CLDN14: variants seen among roughly 807,000 people sequenced by gnomAD.
CLDN14 encodes claudin 14.
A neutral mutation model predicts 2.1 loss-of-function variants in CLDN14; 2 were observed. The ratio of observed to expected loss-of-function variants is 0.96; its 90% CI spans 0.39 to 3.01. CLDN14 has a LOEUF of 3.01. CLDN14 is among the 30% of genes most tolerant of loss of function. The probability of loss-of-function intolerance (pLI) is 0.09; values close to 1 mark genes in which losing one functional copy is unlikely to be tolerated. For synonymous variants in CLDN14, 136 were observed against 154.4 expected (o/e 0.88, Z 0.88); for missense variants, 298 against 328.0 (o/e 0.91, Z 0.71).
intron 1 of CLDN14, among the ~76,000 whole-genome samples, chr21:36,511,251 G>A (rs1374546660): frequency 6.6e-6 from 1 of 152,156 alleles, no homozygotes; most frequent in Non-Finnish European, 1.5e-5. Context: ...GTGTAGTTAA[G>A]CACACCCTTT....
intron 1 of CLDN14, among the ~76,000 whole-genome samples, chr21:36,462,732 C>G (rs1477133347): frequency 1.3e-5 from 2 of 151,854 alleles, no homozygotes; most frequent in African/African-American, 4.8e-5. Context: ...GAGTTCAAGA[C>G]CAGCCTGGCC....
At chr21:36,539,362 T>TGTGTGG (rs1491290610) in intron 1 of CLDN14, among the ~76,000 whole-genome samples, 2 of 146,938 alleles carry the variant, frequency 1.4e-5, no homozygotes, top group East Asian at 4.0e-4. Flanking sequence ...GGAGTGAGTG[T>TGTGTGG]ATGTGCGGAG....
At chr21:36,554,241 C>T (rs1724810844) in intron 1 of CLDN14, among the ~76,000 whole-genome samples, 1 of 152,218 alleles carries the variant, frequency 6.6e-6, no homozygotes. Context: ...AGGCCCTGGG[C>T]TCGGCGGTGC....
At chr21:36,550,850 T>C (rs1043485122) in intron 1 of CLDN14, among the ~76,000 whole-genome samples, 1 of 151,904 alleles carries the variant, frequency 6.6e-6, no homozygotes, top group African/African-American at 2.4e-5. Flanking sequence ...TTGAGGAGAG[T>C]CCTTCCCAAA....
At chr21:36,484,345 C>T (rs2086874384), upstream of CLDN14, among the ~76,000 whole-genome samples, 1 of 152,158 alleles carries the variant, frequency 6.6e-6, no homozygotes, top group Admixed American at 6.5e-5. Flanking sequence ...GTTACTTTTC[C>T]ACCAAGAGAA....
intron 1 of CLDN14, among the ~76,000 whole-genome samples, chr21:36,533,531 GTAGACATTGTACCACGTGGGAAAA>G: frequency 6.6e-6 from 1 of 152,142 alleles, no homozygotes. Context: ...TGGTGATTAC[GTAGACATTGTACCACGTGGGAAAA>G]TATTGATGAT....
At chr21:36,490,175 T>C (rs569394763) in intron 2 of CLDN14, among the ~76,000 whole-genome samples, 1 of 152,252 alleles carries the variant, frequency 6.6e-6, no homozygotes, top group East Asian at 1.9e-4. Flanking sequence ...GGGAGAAGAA[T>C]GCTCTGTTTT....
upstream of CLDN14, chr21:36,480,747 G>C (rs189498388): frequency 1.1e-4 from 16 of 152,218 alleles, no homozygotes; most frequent in Non-Finnish European, 1.5e-5. Flanking sequence ...CCGCCCCTTC[G>C]TCACTGAGCA....
chr21:36,569,863 G>A (rs561040215), intron 1 of CLDN14, among the ~76,000 whole-genome samples: 13 of 152,218 alleles, frequency 8.5e-5, no homozygotes, highest in African/African-American at 3.1e-4. Context: ...TTGGCAAAAA[G>A]TGTTTAACCT....
chr21:36,566,663 C>T (rs540886485), intron 1 of CLDN14, among the ~76,000 whole-genome samples: 131 of 152,306 alleles, frequency 8.6e-4, no homozygotes, highest in African/African-American at 3.0e-3. Flanking sequence ...TGATCCCTTC[C>T]AAATGTGGGC....
chr21:36,569,056 T>C (rs1046863535), intron 1 of CLDN14, among the ~76,000 whole-genome samples: 13 of 152,212 alleles, frequency 8.5e-5, no homozygotes, highest in African/African-American at 2.7e-4. Context: ...ATTTACAATA[T>C]AAGGACAGTG....
chr21:36,519,666 C>T (rs912793670), intron 1 of CLDN14, among the ~76,000 whole-genome samples: 7 of 152,132 alleles, frequency 4.6e-5, no homozygotes, highest in Admixed American at 6.5e-5. Flanking sequence ...GCTGAGATCG[C>T]GCCACTGCAC....
chr21:36,537,985 CAAAAT>C (rs1234103346), intron 1 of CLDN14, among the ~76,000 whole-genome samples: 2 of 130,006 alleles, frequency 1.5e-5, no homozygotes, highest in Admixed American at 1.6e-4. Flanking sequence ...AAAATCAAAA[CAAAAT>C]GTGTGTGTGT....
chr21:36,500,431 T>A (rs78248421), intron 2 of CLDN14, among the ~76,000 whole-genome samples: 7,543 of 152,274 alleles, frequency 0.05, 610 homozygotes, highest in African/African-American at 0.17. Flanking sequence ...TTCATTTTTT[T>A]AAAATTTTAT....
chr21:36,519,731 AAC>A (rs757436433), intron 1 of CLDN14, among the ~76,000 whole-genome samples: 276 of 111,414 alleles, frequency 2.5e-3, no homozygotes, highest in African/African-American at 7.6e-3. Flanking sequence ...CAACAACAAC[AAC>A]AAAACCCCAA....
rs764358289 is a variant in CLDN14, at chr21:36,461,684, C to T, written c.12G>A (p.Thr4=). The T allele has an allele frequency of 1.4e-5, 22 of 1,551,944 alleles. No homozygotes were observed. The highest frequency in any genetic ancestry group is 1.8e-4 in the Middle Eastern group (1 of 5,588). The change falls in exon 2 of 2, where the codon ACG becomes ACA. Residue 4 remains threonine (T), a synonymous_variant. Transcript: ENST00000399135. ...GCAGGAAGCCCAGAAGCTGCACGGC[C>T]GTGCTGGCCATGGTGCGGCTGCCTG... The part of the protein sequence containing the change: MAS[T]AVQLLGFLLS...
intron 2 of CLDN14, among the ~76,000 whole-genome samples, chr21:36,508,095 A>G (rs73382016): frequency 0.013 from 1,906 of 152,274 alleles, 43 homozygotes; most frequent in African/African-American, 0.043. Flanking sequence ...ACATTACACT[A>G]TATTACAAAT....
At chr21:36,494,609 C>T (rs28688747) in intron 2 of CLDN14, among the ~76,000 whole-genome samples, 6,683 of 152,190 alleles carry the variant, frequency 0.044, 508 homozygotes, top group African/African-American at 0.15. Context: ...AAAATGAGTT[C>T]GTACGGGTGG....
Position 36,490,817 on chromosome 21 carries a change from C to T in CLDN14, c.-82+19546G>A, listed in dbSNP as rs112823433. ...TTCTCTGACTGTTCAGTTTGATACA[C>T]GTGGAACCAGGTTTGCTTGCACCCT... is the stretch of plus-strand genomic sequence containing the variant. On this transcript the variant is annotated intron_variant, in intron 2 of 2. Coordinates refer to the CLDN14 transcript ENST00000342108. Among the ~76,000 whole-genome samples, 646 of 152,258 alleles carry T rather than the reference C, an allele frequency of 4.2e-3. 4 individuals are homozygous for T. The highest frequency in any genetic ancestry group is 0.014 in the African/African-American group (574 of 41,546).
Sources: allele counts gnomAD v4.1 joint callset (sites outside exome capture counted in the v4.1 genomes callset), GRCh38; gene constraint gnomAD v4.1.1; transcripts MANE v1.5; gene names NCBI Gene and HGNC (gene_info 2026-07-23, HGNC 2026-07-21).